The following DCC variants were observed in gnomAD, a reference collection of about 807,000 sequenced individuals.
DCC encodes netrin receptor DCC.
A neutral mutation model predicts 172.5 loss-of-function variants in DCC; 58 were observed. That is an observed-to-expected ratio of 0.34 (90% CI 0.27 to 0.42). The LOEUF is 0.42. DCC is among the 10% of genes least tolerant of loss of function. DCC has a pLI of 1.00. For missense variants in DCC, 1,740 were observed against 1,791.0 expected (o/e 0.97, Z 0.51); for synonymous variants, 709 against 644.5 (o/e 1.10, Z -1.52).
chr18:52,479,527 C>T (rs1989192238), intron 1 of DCC, among the ~76,000 whole-genome samples: 1 of 151,444 alleles, frequency 6.6e-6, no homozygotes, highest in Non-Finnish European at 1.5e-5. Flanking sequence ...GCTCCCCCTC[C>T]TCATCTCTCT....
At chr18:53,131,092 G>A (rs2043644511) in intron 7 of DCC, among the ~76,000 whole-genome samples, 1 of 152,210 alleles carries the variant, frequency 6.6e-6, no homozygotes, top group African/African-American at 2.4e-5. Context: ...AGGAACTTCA[G>A]AACCTCAGAA....
intron 5 of DCC, among the ~76,000 whole-genome samples, chr18:52,942,293 T>A (rs2040476482): frequency 6.6e-6 from 1 of 152,214 alleles, no homozygotes; most frequent in Admixed American, 6.5e-5. Flanking sequence ...GGTTTAATAT[T>A]CAAGTTTGTT....
At chr18:53,171,879 A>G (rs1361916380) in intron 8 of DCC, among the ~76,000 whole-genome samples, 1 of 152,028 alleles carries the variant, frequency 6.6e-6, no homozygotes, top group East Asian at 1.9e-4. Context: ...ATAATAAACA[A>G]TAGATGCTGG....
At chr18:52,707,648 G>A (rs1004736334) in intron 1 of DCC, among the ~76,000 whole-genome samples, 1 of 152,130 alleles carries the variant, frequency 6.6e-6, no homozygotes, top group Non-Finnish European at 1.5e-5. Flanking sequence ...GATAAAAAAT[G>A]TATCTATACA....
At chr18:52,893,375 T>G (rs982874178) in intron 2 of DCC, among the ~76,000 whole-genome samples, 1 of 152,160 alleles carries the variant, frequency 6.6e-6, no homozygotes, top group Admixed American at 6.5e-5. Flanking sequence ...CTGGTATGTA[T>G]TCAATGACTG....
At chr18:52,828,944 T>A (rs892931486) in intron 2 of DCC, among the ~76,000 whole-genome samples, 3 of 152,220 alleles carry the variant, frequency 2.0e-5, no homozygotes, top group Non-Finnish European at 2.9e-5. Context: ...TAAAATTGTT[T>A]AAGATGATGA....
rs1042652474 is a variant in DCC, at chr18:52,798,813, T to C, written c.412+46439T>C. On this transcript the variant is annotated intron_variant, in intron 2 of 28. Transcript: ENST00000442544. ...TGTTGCCCAGGCTGGAGTTCAATGG[T>C]GGGATCTTGTCTCCCTGCAACCTCC... Among the ~76,000 whole-genome samples the C allele has an allele frequency of 5.3e-5, 8 of 151,822 alleles. 1 individual carries two copies. The East Asian group carries it at 1.2e-3, about 22-fold the overall frequency.
intron 7 of DCC, among the ~76,000 whole-genome samples, chr18:53,133,121 C>T (rs1195343856): frequency 6.6e-6 from 1 of 152,180 alleles, no homozygotes; most frequent in Non-Finnish European, 1.5e-5. Context: ...TATCACATGG[C>T]ATTGACCATT....
intron 5 of DCC, among the ~76,000 whole-genome samples, chr18:52,971,803 C>T (rs1170733808): frequency 6.6e-6 from 1 of 152,156 alleles, no homozygotes; most frequent in Non-Finnish European, 1.5e-5. Context: ...AAAGTTATCA[C>T]CTGGCACTGA....
chr18:53,245,655 G>T (rs1188705922), intron 12 of DCC, among the ~76,000 whole-genome samples: 1 of 152,034 alleles, frequency 6.6e-6, no homozygotes, highest in Non-Finnish European at 1.5e-5. Flanking sequence ...TAGGCATGGA[G>T]TCAGTCTCCT....
At chr18:52,878,060 C>T (rs993204938) in intron 2 of DCC, among the ~76,000 whole-genome samples, 3 of 152,024 alleles carry the variant, frequency 2.0e-5, no homozygotes, top group Non-Finnish European at 4.4e-5. Flanking sequence ...CTGGCTTCCT[C>T]CTCCCTCCCC....
At chr18:52,926,928 T>G (rs200869364) in intron 5 of DCC, among the ~76,000 whole-genome samples, 10 of 17,020 alleles carry the variant, frequency 5.9e-4, no homozygotes, top group African/African-American at 8.6e-4. Flanking sequence ...CATATATATG[T>G]ATATATAAAC....
At chr18:52,950,410 C>T (rs1239469591) in intron 5 of DCC, among the ~76,000 whole-genome samples, 1 of 152,196 alleles carries the variant, frequency 6.6e-6, no homozygotes, top group African/African-American at 2.4e-5. Context: ...CACATTATAA[C>T]ACATCTGAGC....
intron 1 of DCC, among the ~76,000 whole-genome samples, chr18:52,497,289 A>ATGTGTG (rs1165259817): frequency 5.1e-5 from 2 of 39,432 alleles, no homozygotes; most frequent in East Asian, 1.8e-3. Context: ...AAATATATAT[A>ATGTGTG]TATATATATA....
At position 52,549,653 on chromosome 18, in the gene DCC, T is replaced by C. The variant is rs541461613; in HGVS notation, c.92-202401T>C. Reference sequence around the variant, plus strand: ...TGGTCTAGGACATTCATTTGAATTGTTAATTTCATCTTTTTGTAGTAGCAT... The same window carrying C: ...TGGTCTAGGACATTCATTTGAATTGCTAATTTCATCTTTTTGTAGTAGCAT... On this transcript the variant is annotated intron_variant, in intron 1 of 28. Transcript: ENST00000442544. Among the ~76,000 whole-genome samples, 11 of 152,218 alleles carry C rather than the reference T, an allele frequency of 7.2e-5. No homozygotes were observed. In the East Asian group the frequency reaches 1.9e-3, roughly 27 times the overall value.
chr18:52,704,227 C>T (rs912786679), intron 1 of DCC, among the ~76,000 whole-genome samples: 2 of 152,020 alleles, frequency 1.3e-5, no homozygotes, highest in African/African-American at 4.8e-5. Context: ...TATTTGTCAT[C>T]TAACACTGAA....
intron 2 of DCC, among the ~76,000 whole-genome samples, chr18:52,902,676 TTTC>T (rs1253637145): frequency 1.3e-5 from 2 of 152,168 alleles, no homozygotes; most frequent in African/African-American, 2.4e-5. Context: ...TAGTCTATAA[TTTC>T]TTCTTCTTTT....
chr18:53,179,002 C>T lies in DCC; in HGVS notation c.1459C>T (p.Leu487Phe), dbSNP rs769218854. The T allele has an allele frequency of 1.2e-5, 20 of 1,613,926 alleles. No individual in the cohort carries two copies. The Middle Eastern group carries it at 4.9e-4, about 40-fold the overall frequency. ...LNTTQPGSLQ[L>F]TVGNLKPEAM... is the part of the protein sequence containing the mutation. ...TACAACACAGCCTGGGTCCCTTCAGCTCACTGTGGGAAACCTGAAGCCAGA... is the reference window on the plus strand; with the variant it reads ...TACAACACAGCCTGGGTCCCTTCAGTTCACTGTGGGAAACCTGAAGCCAGA... The change falls in exon 9 of 29, where the codon CTC becomes TTC. Residue 487 changes from leucine (L) to phenylalanine (F), a missense_variant. Physicochemically the swap from Leu to Phe is conservative, Grantham distance 22. Around this residue, in one of 2 missense-constraint regions of DCC, gnomAD observed 1,732 missense variants for 1,767.4 expected, o/e 0.98. Transcript: ENST00000442544.
chr18:52,401,188 C>G lies in DCC; in HGVS notation c.91+60310C>G, dbSNP rs146798908. Among the ~76,000 whole-genome samples, 81 of 152,090 alleles carry G rather than the reference C, an allele frequency of 5.3e-4. 1 individual carries two copies. The highest frequency in any genetic ancestry group is 1.9e-3 in the African/African-American group (78 of 41,524). On this transcript the variant is annotated intron_variant, in intron 1 of 28. Transcript: ENST00000442544. ...CCTTGAAACCCAGAAGAAAGGGTTA[C>G]TATTTGGGACCGGTAAAGTTCATCA...
Sources: gnomAD v4.1 joint callset for allele counts (sites outside exome capture counted in the v4.1 genomes callset) on GRCh38, gnomAD v4.1.1 for gene constraint, gnomAD v4.1.1 regional missense constraint, MANE v1.5 for transcripts, NCBI Gene and HGNC (gene_info 2026-07-23, HGNC 2026-07-21) for gene names.